The following KNDC1 variants were observed in gnomAD, a reference collection of about 807,000 sequenced individuals.
KNDC1 encodes kinase non-catalytic C-lobe domain-containing protein 1.
In KNDC1, 106 loss-of-function variants were observed where a neutral mutation model predicts 172.8. The ratio of observed to expected loss-of-function variants is 0.61; its 90% CI spans 0.52 to 0.72. KNDC1 has a LOEUF of 0.72. Among genes scored for constraint, KNDC1 ranks in the 30% least tolerant of loss-of-function variants. The probability of loss-of-function intolerance (pLI) is 0.00; values close to 1 mark genes in which losing one functional copy is unlikely to be tolerated. For synonymous variants in KNDC1, 1,083 were observed against 1,062.2 expected (o/e 1.02, Z -0.38); for missense variants, 2,325 against 2,394.5 (o/e 0.97, Z 0.61).
chr10:133,218,985 G>A (rs1390079715), intron 27 of KNDC1, 32 bp downstream of exon 27: 1 of 1,613,664 alleles, frequency 6.2e-7, no homozygotes, highest in Non-Finnish European at 8.5e-7. Context: ...AGGCGGGGGT[G>A]GGTACCCGCA....
intron 23 of KNDC1, 72 bp from the exon 24 acceptor site, chr10:133,212,644 C>T: frequency 2.2e-6 from 3 of 1,374,010 alleles, no homozygotes; most frequent in South Asian, 1.2e-5. Flanking sequence ...ACCCCCCAAC[C>T]CTGCCTCCCT....
intron 3 of KNDC1, 125 bp downstream of exon 3, chr10:133,168,437 C>CTG: frequency 3.1e-6 from 3 of 971,196 alleles, no homozygotes; most frequent in Admixed American, 3.9e-5. Context: ...GGGAGCGGAG[C>CTG]CGCTGCTGCC....
rs757429553 is a variant in KNDC1 at position 133,167,554 on chromosome 10, C to A, written c.276C>A (p.Asn92Lys). The change falls in exon 2 of 30, where the codon AAC (asparagine) becomes AAA (lysine). Residue 92 changes from asparagine (N) to lysine (K), a missense_variant. Asn to Lys is a moderately conservative substitution (Grantham distance 94). Transcript: ENST00000304613. ...CCCTGGCCTTCAACACCAGCGGGAA[C>A]GTGTGTTTCATGGAGCAGCTCAGCG... is the stretch of plus-strand genomic sequence containing the variant. ...PDTLAFNTSG[N>K]VCFMEQLSDD... 4 of 1,600,148 alleles carry A rather than the reference C, an allele frequency of 2.5e-6. No individual in the cohort carries two copies. The highest frequency in any genetic ancestry group is 3.4e-6 in the Non-Finnish European group (4 of 1,173,828).
At chr10:133,167,638 G>C (rs377529055) in intron 2 of KNDC1, 59 bp downstream of exon 2, 11 of 1,503,708 alleles carry the variant, frequency 7.3e-6, no homozygotes, top group Middle Eastern at 1.8e-4. Flanking sequence ...GTGCCTTTCA[G>C]GGGGGATGTG....
intron 26 of KNDC1, among the ~76,000 whole-genome samples, chr10:133,215,766 C>T (rs1203489175): frequency 2.0e-5 from 3 of 152,208 alleles, no homozygotes; most frequent in African/African-American, 4.8e-5. Flanking sequence ...TGAGGGTCTC[C>T]GGGATGGCCG....
chr10:133,221,581 G>A (rs1051700103), intron 29 of KNDC1, among the ~76,000 whole-genome samples: 2 of 152,196 alleles, frequency 1.3e-5, no homozygotes, highest in Admixed American at 6.5e-5. Context: ...CCCAGGCCAC[G>A]GCGGCTCCAC....
intron 3 of KNDC1, among the ~76,000 whole-genome samples, chr10:133,170,836 C>G (rs890435176): frequency 1.3e-5 from 2 of 152,112 alleles, no homozygotes; most frequent in Non-Finnish European, 2.9e-5. Flanking sequence ...GTGGCCCCAG[C>G]CCCAACCCCA....
At chr10:133,166,195 G>A (rs773441062) in intron 1 of KNDC1, among the ~76,000 whole-genome samples, 46 of 152,266 alleles carry the variant, frequency 3.0e-4, no homozygotes, top group Non-Finnish European at 5.3e-4. Context: ...AGCCAGAGCC[G>A]CCCTGTGCAC....
chr10:133,218,111 T>C (rs1322412550), intron 26 of KNDC1, among the ~76,000 whole-genome samples: 2 of 151,386 alleles, frequency 1.3e-5, no homozygotes, highest in African/African-American at 2.4e-5. Context: ...AGCTGGACTC[T>C]GCAGCCTTGG....
chr10:133,180,810 A>G lies in KNDC1; in HGVS notation c.361-2534A>G, dbSNP rs112778382. ...GCATAGTCCTTGCATGGGGATTTAG[A>G]GGAAAAATTAAAACTGCGAGTAGAT... On this transcript the variant is annotated intron_variant, in intron 3 of 29. Transcript: ENST00000304613. Among the ~76,000 whole-genome samples the G allele has an allele frequency of 2.4e-3, 363 of 152,370 alleles. 2 individuals carry two copies. The highest frequency in any genetic ancestry group is 7.8e-3 in the African/African-American group (326 of 41,580).
intron 29 of KNDC1, 136 bp downstream of exon 29, chr10:133,220,248 G>A (rs1448984463): frequency 5.6e-6 from 2 of 356,306 alleles, no homozygotes; most frequent in South Asian, 8.2e-5. Flanking sequence ...CAGGTGAGGA[G>A]GGGCTCAGGC....
chr10:133,187,619 T>C (rs2135981131), intron 6 of KNDC1, among the ~76,000 whole-genome samples: 1 of 152,204 alleles, frequency 6.6e-6, no homozygotes, highest in East Asian at 1.9e-4. Context: ...ACAGCCTACC[T>C]TCCCGAAGGG....
At chr10:133,186,922 G>A (rs779756115) in intron 6 of KNDC1, among the ~76,000 whole-genome samples, 4 of 152,148 alleles carry the variant, frequency 2.6e-5, no homozygotes, top group Non-Finnish European at 4.4e-5. Flanking sequence ...GAAAGCAGCC[G>A]CCTCCTCAGC....
chr10:133,198,826 C>G lies in KNDC1; in HGVS notation c.2318C>G (p.Ala773Gly). Reference sequence around the variant, plus strand: ...GCCCCAGCAAACCAGCCAGAGGGGGCCTCATCGGCAGCTCCCGGCTCTCCA... The same window carrying G: ...GCCCCAGCAAACCAGCCAGAGGGGGGCTCATCGGCAGCTCCCGGCTCTCCA... ...PQAPANQPEGASSAAPGSPVP... is the reference protein window; with the variant it reads ...PQAPANQPEGGSSAAPGSPVP... Residue 773 changes from alanine to glycine, a missense_variant, in exon 14 of 30, where the codon GCC (alanine) becomes GGC (glycine). Transcript: ENST00000304613. 15 of 1,600,300 alleles carry G rather than the reference C, an allele frequency of 9.4e-6. No individual in the cohort carries two copies. The highest frequency in any genetic ancestry group is 1.2e-5 in the Non-Finnish European group (14 of 1,174,994).
Position 133,206,696 on chromosome 10 carries a change from G to C in KNDC1, c.3399G>C (p.Gln1133His). 1 of 1,613,656 alleles carries C rather than the reference G, an allele frequency of 6.2e-7. No homozygotes were observed. Among genetic ancestry groups the C allele is most frequent in the East Asian group, 2.2e-5 (1 of 44,886 alleles). ...TGTTTCGTCCCCAGGAGCTGGAACA[G>C]CAGCTCATGATGGAGAAAAGAAACT... ...LPDAQSPELE[Q>H]QLMMEKRNYR... Residue 1133 changes from glutamine to histidine, a missense_variant, in exon 18 of 30, where the codon CAG (glutamine) becomes CAC (histidine). Physicochemically the swap from Gln to His is conservative, Grantham distance 24. Coordinates refer to ENST00000304613, the MANE Select transcript of KNDC1 (RefSeq NM_152643.8).
At chr10:133,179,848 A>T (rs1853664780) in intron 3 of KNDC1, among the ~76,000 whole-genome samples, 1 of 151,988 alleles carries the variant, frequency 6.6e-6, no homozygotes. Context: ...TGATCATTTC[A>T]TGCCTGATCG....
chr10:133,219,328 C>G (rs982459381), intron 28 of KNDC1, among the ~76,000 whole-genome samples: 1 of 152,254 alleles, frequency 6.6e-6, no homozygotes, highest in Non-Finnish European at 1.5e-5. Flanking sequence ...GTTCCTCACA[C>G]AGAGCACAGG....
Position 133,190,178 on chromosome 10 carries a change from C to T in KNDC1, c.1575+365C>T, listed in dbSNP as rs911848546. Among the ~76,000 whole-genome samples, 5 of 152,304 alleles carry T rather than the reference C, an allele frequency of 3.3e-5. No homozygotes were observed. The East Asian group carries it at 7.7e-4, about 23-fold the overall frequency. On this transcript the variant is annotated intron_variant, in intron 9 of 29. Transcript: ENST00000304613. Reference sequence around the variant, plus strand: ...ACATTCAAAATCAAGGTAAAACTTCCACTCAGGAATGATAGAAATGTGTAC... The same window carrying T: ...ACATTCAAAATCAAGGTAAAACTTCTACTCAGGAATGATAGAAATGTGTAC...
At position 133,177,283 on chromosome 10, in the gene KNDC1, G is replaced by A. The variant is rs1353714170; in HGVS notation, c.361-6061G>A. 2.0e-5 allele frequency among the ~76,000 whole-genome samples: 3 copies of A among 152,210 alleles called. No individual in the cohort carries two copies. In the East Asian group the frequency reaches 5.8e-4, roughly 29 times the overall value. ...TTTGTGTGCACATGTATGTGGTCTGGCATATGTGTGCATCTATGTAGTGTG... is the reference window on the plus strand; with the variant it reads ...TTTGTGTGCACATGTATGTGGTCTGACATATGTGTGCATCTATGTAGTGTG... On this transcript the variant is annotated intron_variant, in intron 3 of 29. Coordinates refer to ENST00000304613, the MANE Select transcript of KNDC1 (RefSeq NM_152643.8).
Sources: allele counts gnomAD v4.1 joint callset (sites outside exome capture counted in the v4.1 genomes callset), GRCh38; gene constraint gnomAD v4.1.1; transcripts MANE v1.5; gene names NCBI Gene and HGNC (gene_info 2026-07-23, HGNC 2026-07-21).